Variants in BLM observed in about 807,000 individuals in gnomAD.
The protein encoded by BLM is BLM RecQ like helicase.
In BLM, 95 loss-of-function variants were observed where a neutral mutation model predicts 135.3. The observed-to-expected ratio is 0.70, with a 90% CI of 0.59 to 0.83. The LOEUF is 0.83. BLM is among the 40% of genes least tolerant of loss of function. The pLI is 0.00. For missense variants in BLM, 1,518 were observed against 1,663.9 expected, an observed-to-expected ratio of 0.91 and a Z score of 1.53; for synonymous variants, 520 against 589.2, an observed-to-expected ratio of 0.88 and a Z score of 1.70.
intron 1 of BLM, among the ~76,000 whole-genome samples, chr15:90,725,864 T>G (rs1024349478): frequency 5.9e-5 from 9 of 151,986 alleles, no homozygotes; most frequent in Admixed American, 3.3e-4. Context: ...TTTATGTACA[T>G]ATAAACATAT....
rs1459105649 is a variant in BLM, at chr15:90,762,952, G to T, written c.1883-14G>T. 1.2e-6 allele frequency: 2 copies of T among 1,610,170 alleles called. No homozygotes were observed. The highest frequency in any genetic ancestry group is 2.2e-5 in the East Asian group (1 of 44,858). On this transcript the variant is annotated splice_polypyrimidine_tract_variant and intron_variant, in intron 7 of 21. Coordinates refer to ENST00000355112, the MANE Select transcript of BLM (RefSeq NM_000057.4). ...TCATGTACTGATTTTTCTTAACGTT[G>T]ATTATTTTCCTAGACAAGTCAGCAC...
At chr15:90,809,908 C>T (rs1332631771) in intron 20 of BLM, among the ~76,000 whole-genome samples, 1 of 152,108 alleles carries the variant, frequency 6.6e-6, no homozygotes, top group African/African-American at 2.4e-5. Context: ...ATTGAGAGCA[C>T]AGAAGTCTTC....
chr15:90,789,987 GTTTTTTTTTTTTTT>G (rs61059865), intron 14 of BLM, among the ~76,000 whole-genome samples: 953 of 57,338 alleles, frequency 0.017, 10 homozygotes, highest in Non-Finnish European at 0.02. Flanking sequence ...AGTCCCTGGT[GTTTTTTTTTTTTTT>G]TTTTTTTTTT....
At chr15:90,733,815 A>G (rs1265068019) in intron 1 of BLM, among the ~76,000 whole-genome samples, 2 of 152,188 alleles carry the variant, frequency 1.3e-5, no homozygotes, top group African/African-American at 4.8e-5. Flanking sequence ...TTGCCGGTCA[A>G]CCACTTATCT....
chr15:90,773,819 T>C (rs576098971), intron 12 of BLM, among the ~76,000 whole-genome samples: 104 of 152,318 alleles, frequency 6.8e-4, no homozygotes, highest in African/African-American at 2.5e-3. Flanking sequence ...TTCATTCCTT[T>C]CTATTTTCAG....
intron 14 of BLM, among the ~76,000 whole-genome samples, chr15:90,785,998 C>CTTTTTTTTTTTTTTTTT (rs869185558): frequency 2.7e-5 from 3 of 110,696 alleles, no homozygotes; most frequent in Admixed American, 9.9e-5. Flanking sequence ...TCGTTTCTTT[C>CTTTTTTTTTTTTTTTTT]TTTTTTTTTT....
chr15:90,770,600 C>T (rs550681998), intron 12 of BLM, among the ~76,000 whole-genome samples: 9 of 152,210 alleles, frequency 5.9e-5, no homozygotes, highest in African/African-American at 2.2e-4. Flanking sequence ...TGTTGTGTGC[C>T]GAGTTTAAAG....
chr15:90,729,225 G>C (rs780609997), intron 1 of BLM, among the ~76,000 whole-genome samples: 1 of 152,124 alleles, frequency 6.6e-6, no homozygotes, highest in Admixed American at 6.5e-5. Flanking sequence ...TAGGAGAATT[G>C]CTTGAGCCCA....
rs147958622 is a variant in BLM at position 90,727,238 on chromosome 15, T to G, written c.-5+9798T>G. ...TGTGTTGCCCAAGCTGGTCCTGAAC[T>G]CCTAGCCTCAAGCAATCCTCCCGCC... On this transcript the variant is annotated intron_variant, in intron 1 of 21. Coordinates refer to ENST00000355112, the MANE Select transcript of BLM (RefSeq NM_000057.4). 8.7e-4 allele frequency among the ~76,000 whole-genome samples: 132 copies of G among 152,224 alleles called. 1 individual carries two copies. The highest frequency in any genetic ancestry group is 3.0e-3 in the African/African-American group (126 of 41,570).
chr15:90,791,628 A>G (rs1032489939), intron 15 of BLM, among the ~76,000 whole-genome samples: 1 of 151,746 alleles, frequency 6.6e-6, no homozygotes, highest in Middle Eastern at 3.2e-3. Context: ...GCATTTTTGC[A>G]GTTACTTATA....
chr15:90,759,281 A>G (rs1192533012), intron 5 of BLM, among the ~76,000 whole-genome samples: 2 of 151,940 alleles, frequency 1.3e-5, no homozygotes, highest in African/African-American at 4.8e-5. Context: ...TTAAGACTTG[A>G]CTGGGCACAG....
intron 12 of BLM, among the ~76,000 whole-genome samples, chr15:90,770,072 T>G (rs1896263415): frequency 6.6e-6 from 1 of 152,140 alleles, no homozygotes; most frequent in Non-Finnish European, 1.5e-5. Context: ...CTATGTCGAA[T>G]AGCTTTTTTA....
chr15:90,774,588 C>T lies in BLM; in HGVS notation c.2555+5002C>T, dbSNP rs1017090215. Among the ~76,000 whole-genome samples, 9 of 151,308 alleles carry T rather than the reference C, an allele frequency of 5.9e-5. No homozygotes were observed. The East Asian group carries it at 1.8e-3, about 30-fold the overall frequency. On this transcript the variant is annotated intron_variant, in intron 12 of 21. Coordinates refer to ENST00000355112, the MANE Select transcript of BLM (RefSeq NM_000057.4). ...GTGGCTCATGCCTGTAATCCCAGCA[C>T]TTTGGGTGGCCGAGGCGGGTGGATC...
intron 14 of BLM, among the ~76,000 whole-genome samples, chr15:90,788,970 CAA>C (rs34736315): frequency 1.8e-4 from 20 of 110,632 alleles, no homozygotes; most frequent in African/African-American, 3.9e-4. Context: ...GAGACTGTCT[CAA>C]AAAAAAAAAA....
intron 12 of BLM, among the ~76,000 whole-genome samples, chr15:90,769,838 A>C (rs559461569): frequency 6.6e-6 from 1 of 152,274 alleles, no homozygotes; most frequent in South Asian, 2.1e-4. Flanking sequence ...TTCTTCACTT[A>C]CTGAAATTAA....
chr15:90,736,937 T>TG (rs1411640343), intron 1 of BLM, among the ~76,000 whole-genome samples: 1 of 152,182 alleles, frequency 6.6e-6, no homozygotes, highest in Non-Finnish European at 1.5e-5. Flanking sequence ...CACTTCTCTG[T>TG]GGGGAAAAAC....
Position 90,815,391 on chromosome 15 carries a change from A to G in BLM, c.*112A>G, listed in dbSNP as rs1897537528. 1 of 1,152,486 alleles carries G rather than the reference A, an allele frequency of 8.7e-7. No homozygotes were observed. The highest frequency in any genetic ancestry group is 1.3e-6 in the Non-Finnish European group (1 of 792,506). 71.4% of individuals were successfully genotyped at this position (1,152,486 alleles called of 1,614,324 possible). A position where few individuals can be genotyped will look rare whatever the true frequency, so the allele number is the denominator to read the frequency against. ...CCATTTGAAGTTTTTACTCGTCTCT[A>G]TTAATATTTAAATAAATGCTGGGGG... On this transcript the variant is annotated 3_prime_UTR_variant, in exon 22 of 22. Coordinates refer to ENST00000355112, the MANE Select transcript of BLM (RefSeq NM_000057.4). This position sits in a 1 kb window ranked among gnomAD's most constrained non-coding sequence, Gnocchi z 4.6.
At chr15:90,795,412 G>A (rs1323425450) in intron 16 of BLM, among the ~76,000 whole-genome samples, 1 of 152,180 alleles carries the variant, frequency 6.6e-6, no homozygotes, top group African/African-American at 2.4e-5. Flanking sequence ...CCTGGTAGGT[G>A]GAGGCTGCAG....
At chr15:90,781,347 G>A (rs890816806) in intron 12 of BLM, among the ~76,000 whole-genome samples, 3 of 152,162 alleles carry the variant, frequency 2.0e-5, no homozygotes, top group Admixed American at 1.3e-4. Context: ...CTAACTGGCC[G>A]GGTATGGTGG....
Sources: gnomAD v4.1 joint callset for allele counts (sites outside exome capture counted in the v4.1 genomes callset) on GRCh38, gnomAD v4.1.1 for gene constraint, Gnocchi (gnomAD v3.1) non-coding constraint, MANE v1.5 for transcripts, NCBI Gene and HGNC (gene_info 2026-07-23, HGNC 2026-07-21) for gene names.